KATNIP: variants seen among roughly 807,000 people sequenced by gnomAD.
KATNIP encodes katanin-interacting protein.
Under a neutral mutation model 174.0 loss-of-function variants are expected in KATNIP, and 126 were observed. That is an observed-to-expected ratio of 0.72 (90% CI 0.63 to 0.84). The LOEUF is 0.84. Ranked by LOEUF, KATNIP falls within the 40% of genes least tolerant of loss-of-function variation. The probability of loss-of-function intolerance (pLI) is 0.00; values close to 1 mark genes in which losing one functional copy is unlikely to be tolerated. For missense variants in KATNIP, 1,958 were observed against 2,109.7 expected (o/e 0.93, Z 1.41); for synonymous variants, 810 against 835.7 (o/e 0.97, Z 0.53).
chr16:27,614,267 G>A (rs1274479372), intron 2 of KATNIP, among the ~76,000 whole-genome samples: 1 of 152,046 alleles, frequency 6.6e-6, no homozygotes, highest in Non-Finnish European at 1.5e-5. Flanking sequence ...CCGGGTTCAA[G>A]CGATTCTCCT....
intron 14 of KATNIP, among the ~76,000 whole-genome samples, chr16:27,728,457 G>T (rs539602783): frequency 1.3e-5 from 2 of 152,312 alleles, no homozygotes; most frequent in Non-Finnish European, 1.5e-5. Context: ...TTTAGAGACA[G>T]TCTCGCTTTG....
Position 27,678,051 on chromosome 16 carries a change from G to A in KATNIP, c.808+55G>A. The A allele has an allele frequency of 2.5e-6, 4 of 1,582,538 alleles. No individual in the cohort carries two copies. In the South Asian group the frequency reaches 4.6e-5, roughly 18 times the overall value. On this transcript the variant is annotated intron_variant, in intron 7 of 27. Coordinates refer to ENST00000261588, the MANE Select transcript of KATNIP (RefSeq NM_015202.5). ...GCCATTGGTGTCTCTGCATCTAATAGCAGGACTTAAACTTCCAGTGGTCCT... is the reference window on the plus strand; with the variant it reads ...GCCATTGGTGTCTCTGCATCTAATAACAGGACTTAAACTTCCAGTGGTCCT...
At chr16:27,573,806 C>T in intron 1 of KATNIP, 95 bp from the exon 2 acceptor site, 3 of 1,079,600 alleles carry the variant, frequency 2.8e-6, no homozygotes, top group Admixed American at 1.8e-5. Flanking sequence ...ATGATTGGTC[C>T]CATCTATTCA....
intron 13 of KATNIP, among the ~76,000 whole-genome samples, chr16:27,713,765 A>G (rs58299994): frequency 1.3e-4 from 1 of 7,918 alleles, no homozygotes; most frequent in African/African-American, 4.3e-4. Flanking sequence ...GTGTGTGTAT[A>G]TGTATATATA....
chr16:27,765,690 C>T (rs1260294953), intron 19 of KATNIP, among the ~76,000 whole-genome samples: 1 of 152,198 alleles, frequency 6.6e-6, no homozygotes, highest in African/African-American at 2.4e-5. Context: ...GAGAAAAATA[C>T]TCACCTCCAT....
At chr16:27,754,806 T>A (rs955040091) in intron 18 of KATNIP, 4 of 152,212 alleles carry the variant, frequency 2.6e-5, no homozygotes, top group African/African-American at 7.2e-5. Context: ...CAAATGTGTG[T>A]AACGAATTTT....
At chr16:27,630,562 G>A (rs1238435075) in intron 4 of KATNIP, among the ~76,000 whole-genome samples, 3 of 152,222 alleles carry the variant, frequency 2.0e-5, no homozygotes, top group Non-Finnish European at 4.4e-5. Context: ...AGTTTTCACA[G>A]TGGAGGCAGA....
intron 1 of KATNIP, among the ~76,000 whole-genome samples, chr16:27,553,195 C>T (rs2089466914): frequency 6.6e-6 from 1 of 152,142 alleles, no homozygotes; most frequent in Non-Finnish European, 1.5e-5. Flanking sequence ...AAACGTTGAC[C>T]TTTCAGATGC....
At chr16:27,754,002 C>T (rs1306084076) in intron 17 of KATNIP, among the ~76,000 whole-genome samples, 171 bp from the exon 18 acceptor site, 1 of 152,192 alleles carries the variant, frequency 6.6e-6, no homozygotes, top group East Asian at 1.9e-4. Context: ...AGGGTCCGCC[C>T]ATATCACTGG....
At chr16:27,633,291 A>G (rs548838434) in intron 5 of KATNIP, among the ~76,000 whole-genome samples, 17 of 152,142 alleles carry the variant, frequency 1.1e-4, no homozygotes, top group African/African-American at 4.1e-4. Flanking sequence ...GTTTTAAAAT[A>G]TAGATGCTCA....
rs564411795 is a variant in KATNIP, at chr16:27,700,177, G to T, written c.1179+578G>T. 7.2e-5 allele frequency among the ~76,000 whole-genome samples: 11 copies of T among 152,108 alleles called. No homozygotes were observed. The South Asian group carries it at 1.7e-3, about 23-fold the overall frequency. The stretch of plus-strand genomic sequence containing the variant: ...TCCACCCGCCTCAGCCTCCCAAAGT[G>T]CTGGGATTACAGGTGTTAGCCACCA... On this transcript the variant is annotated intron_variant, in intron 10 of 27. Transcript: ENST00000261588.
intron 18 of KATNIP, chr16:27,757,360 G>A: frequency 3.6e-6 from 1 of 279,504 alleles, no homozygotes; most frequent in Non-Finnish European, 5.4e-6. Flanking sequence ...AAAGGGGTCA[G>A]CCACCCAAAC....
chr16:27,666,746 G>C (rs890393171), intron 6 of KATNIP, among the ~76,000 whole-genome samples: 1 of 152,158 alleles, frequency 6.6e-6, no homozygotes, highest in Non-Finnish European at 1.5e-5. Context: ...GCAGAGTTAG[G>C]ACAGGCATGG....
chr16:27,618,279 G>A (rs940353704), intron 2 of KATNIP, 146 bp from the exon 3 acceptor site: 23 of 611,834 alleles, frequency 3.8e-5, no homozygotes, highest in Admixed American at 2.3e-4. Flanking sequence ...GCTCCAGGTC[G>A]CTGGAGCAAT....
intron 1 of KATNIP, among the ~76,000 whole-genome samples, chr16:27,558,208 C>T (rs1409140495): frequency 2.6e-5 from 4 of 152,230 alleles, no homozygotes; most frequent in South Asian, 4.2e-4. Context: ...TGCAGTGGTG[C>T]GATCTCAGCT....
At chr16:27,623,413 T>C (rs1438972375) in intron 3 of KATNIP, among the ~76,000 whole-genome samples, 1 of 152,164 alleles carries the variant, frequency 6.6e-6, no homozygotes, top group Non-Finnish European at 1.5e-5. Flanking sequence ...CCAGTATTCA[T>C]CATCATTATC....
chr16:27,670,257 C>G (rs559771538), intron 6 of KATNIP, among the ~76,000 whole-genome samples: 118 of 152,276 alleles, frequency 7.7e-4, no homozygotes, highest in Non-Finnish European at 1.1e-3. Flanking sequence ...CCTGCCCTCT[C>G]CTGATTTTTG....
At chr16:27,711,349 A>T (rs1303343797) in intron 13 of KATNIP, among the ~76,000 whole-genome samples, 1 of 152,192 alleles carries the variant, frequency 6.6e-6, no homozygotes, top group East Asian at 1.9e-4. Flanking sequence ...GGTCACTTCC[A>T]TGGCATCCGA....
chr16:27,767,033 T>C (rs2082149078), intron 20 of KATNIP, among the ~76,000 whole-genome samples: 1 of 152,116 alleles, frequency 6.6e-6, no homozygotes, highest in African/African-American at 2.4e-5. Context: ...CTTCTGAGAC[T>C]CAGCCTCGGT....
Sources: allele counts gnomAD v4.1 joint callset (sites outside exome capture counted in the v4.1 genomes callset), GRCh38; gene constraint gnomAD v4.1.1; transcripts MANE v1.5; gene names NCBI Gene and HGNC (gene_info 2026-07-23, HGNC 2026-07-21).